CTNNA2: variants seen among roughly 807,000 people sequenced by gnomAD.
CTNNA2 encodes catenin alpha 2.
Under a neutral mutation model 101.0 loss-of-function variants are expected in CTNNA2, and 42 were observed. The ratio of observed to expected loss-of-function variants is 0.42; its 90% CI spans 0.32 to 0.54. The LOEUF is 0.54. CTNNA2 is among the 20% of genes least tolerant of loss of function. CTNNA2 has a pLI of 0.14. For synonymous variants in CTNNA2, 450 were observed against 456.4 expected (o/e 0.99, Z 0.18); for missense variants, 871 against 1,223.1 (o/e 0.71, Z 4.29).
chr2:79,918,622 T>C (rs763003147), intron 7 of CTNNA2, among the ~76,000 whole-genome samples: 1 of 152,214 alleles, frequency 6.6e-6, no homozygotes, highest in Non-Finnish European at 1.5e-5. Context: ...AATCACTCAG[T>C]ATCAGGGCCA....
intron 3 of CTNNA2, among the ~76,000 whole-genome samples, chr2:79,315,955 C>A (rs1272059448): frequency 6.6e-6 from 1 of 152,044 alleles, no homozygotes; most frequent in African/African-American, 2.4e-5. Context: ...TATATTTTCA[C>A]TGATGATGTC....
rs562947799 is a variant in CTNNA2 at position 79,729,000 on chromosome 2, T to G, written c.103-15387T>G. 5.3e-5 allele frequency among the ~76,000 whole-genome samples: 8 copies of G among 152,294 alleles called. No homozygotes were observed. In the South Asian group the frequency reaches 1.5e-3, roughly 28 times the overall value. ...TGTAGCCTTGTAGTATAGTTTGAAG[T>G]CAGGTAGCGTGATGCTATATAAAAC... On this transcript the variant is annotated intron_variant, in intron 2 of 18. Transcript: ENST00000402739.
chr2:79,751,037 G>A (rs1440044663), intron 3 of CTNNA2, among the ~76,000 whole-genome samples: 1 of 152,148 alleles, frequency 6.6e-6, no homozygotes, highest in South Asian at 2.1e-4. Flanking sequence ...GCAGTCAAAT[G>A]TATAGGGCAG....
intron 18 of CTNNA2, among the ~76,000 whole-genome samples, chr2:80,625,428 G>A (rs1671581795): frequency 6.6e-6 from 1 of 152,004 alleles, no homozygotes; most frequent in South Asian, 2.1e-4. Context: ...ATGAGGTTCA[G>A]AGGAGTTCAG....
intron 9 of CTNNA2, among the ~76,000 whole-genome samples, chr2:80,501,709 A>G (rs1453319970): frequency 6.6e-6 from 1 of 152,138 alleles, no homozygotes; most frequent in Non-Finnish European, 1.5e-5. Flanking sequence ...GGGAAGCAAA[A>G]TTGGATATGC....
chr2:79,767,918 C>T (rs768991583), intron 3 of CTNNA2, among the ~76,000 whole-genome samples: 43 of 151,560 alleles, frequency 2.8e-4, no homozygotes, highest in Non-Finnish European at 4.7e-4. Flanking sequence ...AGGGTGATGC[C>T]AGCACTCCCT....
intron 7 of CTNNA2, among the ~76,000 whole-genome samples, chr2:80,352,388 A>G (rs1387524041): frequency 6.6e-6 from 1 of 152,194 alleles, no homozygotes; most frequent in African/African-American, 2.4e-5. Context: ...CTACTCTGCC[A>G]TGTAATCTAC....
intron 7 of CTNNA2, among the ~76,000 whole-genome samples, chr2:80,011,820 G>GT (rs1489723241): frequency 1.3e-5 from 2 of 152,182 alleles, no homozygotes; most frequent in East Asian, 1.9e-4. Context: ...GTGATAACAT[G>GT]TTTTTTTAGA....
At chr2:79,468,924 G>A (rs1319294124) in intron 4 of CTNNA2, among the ~76,000 whole-genome samples, 1 of 152,176 alleles carries the variant, frequency 6.6e-6, no homozygotes, top group Non-Finnish European at 1.5e-5. Context: ...ACAAGAGAAA[G>A]CAGGAAAGAT....
intron 7 of CTNNA2, among the ~76,000 whole-genome samples, chr2:80,341,883 G>C (rs1171134161): frequency 2.0e-5 from 3 of 152,132 alleles, no homozygotes; most frequent in Non-Finnish European, 2.9e-5. Context: ...CTGATGAATA[G>C]AAAAGCAAAA....
At chr2:79,917,071 A>T (rs1425806802) in intron 7 of CTNNA2, among the ~76,000 whole-genome samples, 1 of 93,308 alleles carries the variant, frequency 1.1e-5, no homozygotes, top group Non-Finnish European at 2.1e-5. Context: ...TTATTTATTT[A>T]TTTATTTATT....
chr2:79,638,218 C>T (rs946967422), intron 1 of CTNNA2, among the ~76,000 whole-genome samples: 1 of 152,102 alleles, frequency 6.6e-6, no homozygotes, highest in Non-Finnish European at 1.5e-5. Context: ...TTGAGATGTA[C>T]AAAATTAACA....
intron 7 of CTNNA2, among the ~76,000 whole-genome samples, chr2:80,380,122 C>A (rs369232123): frequency 6.6e-6 from 1 of 150,500 alleles, no homozygotes; most frequent in Admixed American, 6.6e-5. Context: ...CTGCAAGCTC[C>A]GCCTCCCGGG....
intron 4 of CTNNA2, among the ~76,000 whole-genome samples, chr2:79,867,511 C>T (rs761624067): frequency 1.8e-4 from 28 of 152,032 alleles, no homozygotes; most frequent in Non-Finnish European, 3.4e-4. Context: ...GATTCTGCCC[C>T]GTGATTCTTT....
At chr2:79,381,602 G>C (rs1015572622) in intron 4 of CTNNA2, among the ~76,000 whole-genome samples, 1 of 152,204 alleles carries the variant, frequency 6.6e-6, no homozygotes, top group Non-Finnish European at 1.5e-5. Context: ...AAGCCAGACG[G>C]AAGAGGCTAC....
chr2:79,334,031 A>G (rs1676935812), intron 3 of CTNNA2, among the ~76,000 whole-genome samples: 1 of 152,194 alleles, frequency 6.6e-6, no homozygotes. Context: ...TAATGATCAA[A>G]TCATGGTAAT....
At chr2:79,909,924 AC>A in intron 7 of CTNNA2, 127 bp downstream of exon 7, 1 of 937,670 alleles carries the variant, frequency 1.1e-6, no homozygotes, top group Non-Finnish European at 1.6e-6. Context: ...GTCAGGTGAA[AC>A]CAAAGAACTG....
chr2:80,569,033 C>T (rs79956373), intron 12 of CTNNA2, among the ~76,000 whole-genome samples: 5,919 of 152,178 alleles, frequency 0.039, 404 homozygotes, highest in African/African-American at 0.13. Flanking sequence ...GGTTACCTGA[C>T]TCTTCATCTC....
chr2:80,113,047 G>T lies in CTNNA2; in HGVS notation c.1056+203250G>T, dbSNP rs139851409. Among the ~76,000 whole-genome samples the T allele has an allele frequency of 2.8e-3, 419 of 152,260 alleles. 3 individuals carry two copies. Among genetic ancestry groups the T allele is most frequent in the African/African-American group, 9.5e-3 (395 of 41,548 alleles). The stretch of plus-strand genomic sequence containing the variant: ...AGTGCTGTGTGGCTGTCATGCCCCA[G>T]TGCTGAGGTGTGCTTTACAGAGATC... On this transcript the variant is annotated intron_variant, in intron 7 of 18. Coordinates refer to ENST00000402739, the MANE Select transcript of CTNNA2 (RefSeq NM_001282597.3).
Sources: gnomAD v4.1 joint callset for allele counts (sites outside exome capture counted in the v4.1 genomes callset) on GRCh38, gnomAD v4.1.1 for gene constraint, MANE v1.5 for transcripts, NCBI Gene and HGNC (gene_info 2026-07-23, HGNC 2026-07-21) for gene names.